The following ADAM22 variants were observed in gnomAD, a reference collection of about 807,000 sequenced individuals.
The protein encoded by ADAM22 is ADAM metallopeptidase domain 22, also known as disintegrin and metalloproteinase domain-containing protein 22.
A neutral mutation model predicts 144.6 loss-of-function variants in ADAM22; 65 were observed. The ratio of observed to expected loss-of-function variants is 0.45; its 90% CI spans 0.37 to 0.55. The LOEUF (loss-of-function observed/expected upper bound fraction) is 0.55. Among genes scored for constraint, ADAM22 ranks in the 20% least tolerant of loss-of-function variants. The pLI, the probability that ADAM22 is intolerant of heterozygous loss-of-function variation, is 0.00. For synonymous variants in ADAM22, 391 were observed against 412.6 expected, an observed-to-expected ratio of 0.95 and a Z score of 0.63; for missense variants, 974 against 1,184.9, an observed-to-expected ratio of 0.82 and a Z score of 2.61.
intron 2 of ADAM22, among the ~76,000 whole-genome samples, chr7:87,937,145 A>T (rs1841426500): frequency 6.6e-6 from 1 of 152,084 alleles, no homozygotes; most frequent in Non-Finnish European, 1.5e-5. Context: ...TTTTGTAAAG[A>T]TGGGATTTCA....
chr7:88,023,035 T>G (rs1798170637), intron 3 of ADAM22, among the ~76,000 whole-genome samples: 1 of 152,226 alleles, frequency 6.6e-6, no homozygotes, highest in South Asian at 2.1e-4. Context: ...TGCTTAGGAC[T>G]CTTTGTTTAT....
At chr7:88,136,958 A>T (rs1228070259) in intron 14 of ADAM22, among the ~76,000 whole-genome samples, 1 of 152,132 alleles carries the variant, frequency 6.6e-6, no homozygotes, top group Non-Finnish European at 1.5e-5. Flanking sequence ...TACACCCATT[A>T]TCCAGCTTTT....
intron 14 of ADAM22, among the ~76,000 whole-genome samples, chr7:88,142,570 G>A (rs542993042): frequency 2.0e-5 from 3 of 152,150 alleles, no homozygotes; most frequent in Non-Finnish European, 4.4e-5. Context: ...CGGGCGTGGT[G>A]GCTCACACCT....
At chr7:88,062,156 G>A (rs962025279) in intron 3 of ADAM22, among the ~76,000 whole-genome samples, 4 of 151,974 alleles carry the variant, frequency 2.6e-5, no homozygotes, top group Admixed American at 6.6e-5. Context: ...CTTTTGAAGC[G>A]TTGAAACCAG....
chr7:88,008,305 CTG>C (rs1335912535), intron 3 of ADAM22, among the ~76,000 whole-genome samples: 1 of 150,864 alleles, frequency 6.6e-6, no homozygotes, highest in Admixed American at 6.6e-5. Context: ...GTTGGTGGGA[CTG>C]TAAACTAGTT....
rs189366132 is a variant in ADAM22 at position 87,949,463 on chromosome 7, A to G, written c.246+14277A>G. Among the ~76,000 whole-genome samples, 147 of 152,368 alleles carry G rather than the reference A, an allele frequency of 9.6e-4. 1 individual carries two copies. In the South Asian group the frequency reaches 0.019, roughly 20 times the overall value. Reference sequence around the variant, plus strand: ...TATAGCCCTGTCTTTTCCAACAAAAATAAATTCAAGCTATTTAACCTTTTT... The same window carrying G: ...TATAGCCCTGTCTTTTCCAACAAAAGTAAATTCAAGCTATTTAACCTTTTT... On this transcript the variant is annotated intron_variant, in intron 2 of 31. Coordinates refer to ENST00000413139, the MANE Select transcript of ADAM22 (RefSeq NM_001324418.2).
intron 3 of ADAM22, among the ~76,000 whole-genome samples, chr7:88,031,477 G>T (rs1422505535): frequency 2.0e-5 from 3 of 152,192 alleles, no homozygotes; most frequent in Admixed American, 6.5e-5. Flanking sequence ...GGTCACTCTT[G>T]CTTTGCTTTA....
chr7:88,142,290 G>T (rs1437041814), intron 14 of ADAM22, among the ~76,000 whole-genome samples: 2 of 152,122 alleles, frequency 1.3e-5, no homozygotes, highest in East Asian at 3.8e-4. Context: ...ATCACATTTG[G>T]TTTTTGTGTC....
chr7:88,196,452 G>T lies in ADAM22; in HGVS notation c.2875-19G>T, dbSNP rs751500063. 5.6e-6 allele frequency: 9 copies of T among 1,613,788 alleles called. No homozygotes were observed. Among genetic ancestry groups the T allele is most frequent in the African/African-American group, 4.0e-5 (3 of 74,912 alleles). ...TCCTGCTTTCACAATGTGCAATTTT[G>T]CTCTTTTCTGTTGTGCAGCTATGGG... On this transcript the variant is annotated intron_variant, in intron 31 of 31. Coordinates refer to ENST00000413139, the MANE Select transcript of ADAM22 (RefSeq NM_001324418.2).
chr7:88,015,368 C>G (rs1796333190), intron 3 of ADAM22, among the ~76,000 whole-genome samples: 1 of 152,068 alleles, frequency 6.6e-6, no homozygotes, highest in Non-Finnish European at 1.5e-5. Flanking sequence ...CATATTATAG[C>G]AAAATAAAGC....
chr7:87,973,053 C>T (rs530084756), intron 2 of ADAM22, among the ~76,000 whole-genome samples: 1 of 152,180 alleles, frequency 6.6e-6, no homozygotes, highest in South Asian at 2.1e-4. Flanking sequence ...TGTCTCAAAC[C>T]CCCAAAGCAA....
At chr7:87,991,645 C>T (rs565739133) in intron 3 of ADAM22, among the ~76,000 whole-genome samples, 6 of 152,280 alleles carry the variant, frequency 3.9e-5, no homozygotes, top group Admixed American at 6.5e-5. Context: ...GGATTACAGG[C>T]GTGAGCCACC....
chr7:88,163,268 GA>G (rs966977616), intron 23 of ADAM22, 88 bp downstream of exon 23: 13 of 1,111,744 alleles, frequency 1.2e-5, no homozygotes, highest in Admixed American at 1.0e-4. Context: ...CTTAATTATG[GA>G]AAAAAATGAT....
At chr7:88,155,786 C>G in intron 21 of ADAM22, 101 bp from the exon 22 acceptor site, 4 of 1,397,770 alleles carry the variant, frequency 2.9e-6, no homozygotes, top group Non-Finnish European at 3.9e-6. Context: ...AGATAATATA[C>G]TTGATGAAAA....
chr7:87,935,825 A>G (rs928217660), intron 2 of ADAM22, among the ~76,000 whole-genome samples: 1 of 152,214 alleles, frequency 6.6e-6, no homozygotes, highest in Non-Finnish European at 1.5e-5. Context: ...TTATGTTTTT[A>G]AAAATCTAGT....
intron 2 of ADAM22, among the ~76,000 whole-genome samples, chr7:87,952,326 A>G (rs1845446725): frequency 6.6e-6 from 1 of 152,004 alleles, no homozygotes; most frequent in African/African-American, 2.4e-5. Context: ...ATCAATACCT[A>G]ATTTATTGAG....
chr7:88,027,792 T>C (rs1799346849), intron 3 of ADAM22, among the ~76,000 whole-genome samples: 1 of 152,132 alleles, frequency 6.6e-6, no homozygotes, highest in Non-Finnish European at 1.5e-5. Context: ...GGTTGTTTAT[T>C]TGAGCTTTTC....
chr7:88,151,112 T>C, intron 19 of ADAM22, 81 bp downstream of exon 19: 1 of 1,529,670 alleles, frequency 6.5e-7, no homozygotes, highest in African/African-American at 1.4e-5. Flanking sequence ...AATAGGAAGA[T>C]CAATTTAAAT....
intron 2 of ADAM22, among the ~76,000 whole-genome samples, chr7:87,939,222 C>G (rs1345929189): frequency 2.6e-5 from 4 of 151,904 alleles, no homozygotes; most frequent in African/African-American, 9.7e-5. Context: ...GGAATTGCTG[C>G]ATTAAAAGGA....
Sources: gnomAD v4.1 joint callset for allele counts (sites outside exome capture counted in the v4.1 genomes callset) on GRCh38, gnomAD v4.1.1 for gene constraint, MANE v1.5 for transcripts, NCBI Gene and HGNC (gene_info 2026-07-23, HGNC 2026-07-21) for gene names.